The following NTN4 variants were observed in gnomAD, a reference collection of about 807,000 sequenced individuals.
NTN4 encodes the protein netrin 4, also known as netrin-4.
Under a neutral mutation model 73.6 loss-of-function variants are expected in NTN4, and 32 were observed. That is an observed-to-expected ratio of 0.44 (90% CI 0.33 to 0.58). NTN4 has a LOEUF of 0.58. Ranked by LOEUF, NTN4 falls within the 20% of genes least tolerant of loss-of-function variation. The pLI, the probability that NTN4 is intolerant of heterozygous loss-of-function variation, is 0.04. For missense variants in NTN4, 654 were observed against 798.3 expected (o/e 0.82, Z 2.18); for synonymous variants, 258 against 287.5 (o/e 0.90, Z 1.04).
intron 5 of NTN4, among the ~76,000 whole-genome samples, chr12:95,697,690 T>C (rs559497689): frequency 6.6e-5 from 10 of 152,034 alleles, no homozygotes; most frequent in Admixed American, 2.0e-4. Context: ...TTAAAATATA[T>C]ATTTTATTAT....
chr12:95,715,775 T>C (rs147418142), intron 3 of NTN4, among the ~76,000 whole-genome samples: 21 of 152,278 alleles, frequency 1.4e-4, no homozygotes, highest in African/African-American at 4.6e-4. Flanking sequence ...ATTACTTTTA[T>C]TGAACATTTT....
In NTN4 at chr12:95,670,162, T is replaced by TA; in HGVS notation, c.1511-17dup. 1 of 1,497,128 alleles carries TA rather than the reference T, an allele frequency of 6.7e-7. No homozygotes were observed. The highest frequency in any genetic ancestry group is 9.2e-7 in the Non-Finnish European group (1 of 1,091,492). The allele number at this position is 1,497,128 out of a possible 1,614,324, so 92.7% of individuals were successfully genotyped here. ...TCGCATTTACCTATGGAAAGTAAAT[T>TA]AAAAATGGTGTTAGTTATTAGAAAA... is the stretch of plus-strand genomic sequence containing the variant. On this transcript the variant is annotated splice_polypyrimidine_tract_variant and intron_variant, in intron 7 of 9. Transcript: ENST00000343702.
At chr12:95,716,080 C>CAA (rs34692653) in intron 3 of NTN4, among the ~76,000 whole-genome samples, 8,360 of 138,508 alleles carry the variant, frequency 0.06, 762 homozygotes, top group African/African-American at 0.21. Context: ...TCCTACATGT[C>CAA]AAAAAAAAAA....
intron 5 of NTN4, among the ~76,000 whole-genome samples, chr12:95,702,061 C>T (rs915077409): frequency 1.3e-5 from 2 of 152,078 alleles, no homozygotes; most frequent in Non-Finnish European, 2.9e-5. Context: ...AGGTGAATCA[C>T]TTGAGGTCAG....
intron 3 of NTN4, among the ~76,000 whole-genome samples, chr12:95,718,810 T>C (rs2078626200): frequency 2.6e-5 from 4 of 152,198 alleles, no homozygotes; most frequent in African/African-American, 9.7e-5. Flanking sequence ...TCCTTTTTTA[T>C]TTCTCTCCTT....
chr12:95,675,991 G>T (rs2078270530), intron 7 of NTN4, among the ~76,000 whole-genome samples: 1 of 152,232 alleles, frequency 6.6e-6, no homozygotes, highest in African/African-American at 2.4e-5. Context: ...TGCAAATTAT[G>T]TAGCTAGTCC....
chr12:95,751,473 G>A (rs555665873), intron 2 of NTN4, among the ~76,000 whole-genome samples: 2 of 152,130 alleles, frequency 1.3e-5, no homozygotes, highest in Non-Finnish European at 2.9e-5. Context: ...TCTGGCCACT[G>A]GGCCAAGGAA....
Position 95,710,458 on chromosome 12 carries a change from G to C in NTN4, c.1163C>G (p.Ala388Gly), listed in dbSNP as rs1565892341. Residue 388 changes from alanine (A) to glycine (G), a missense_variant, in exon 5 of 10, where the codon GCT becomes GGT. Transcript: ENST00000343702. ...FYRDLRRPFS[A>G]PDACKPCSCH... is the part of the protein sequence containing the mutation. ...TTACTTACGTTTGCAAGCATCTGGA[G>C]CTGAGAAGGGTCTCCGCAGGTCACG... is the stretch of plus-strand genomic sequence containing the variant. 3.1e-6 allele frequency: 5 copies of C among 1,613,384 alleles called. No homozygotes were observed. Among genetic ancestry groups the C allele is most frequent in the Non-Finnish European group, 4.2e-6 (5 of 1,179,614 alleles).
At chr12:95,786,606 A>C (rs1481967744) in intron 2 of NTN4, among the ~76,000 whole-genome samples, 1 of 152,172 alleles carries the variant, frequency 6.6e-6, no homozygotes, top group Non-Finnish European at 1.5e-5. Flanking sequence ...AGACTGTCTC[A>C]GTAACTCTTC....
In NTN4 at chr12:95,710,422, G is replaced by C. The variant is rs367820044; in HGVS notation, c.1180+19C>G. 5 of 1,594,300 alleles carry C rather than the reference G, an allele frequency of 3.1e-6. No homozygotes were observed. Among genetic ancestry groups the C allele is most frequent in the East Asian group, 4.5e-5 (2 of 44,434 alleles). On this transcript the variant is annotated intron_variant, in intron 5 of 9. Transcript: ENST00000343702. ...CTTGTACAAATCAGCCTATTTTCTG[G>C]AAACCACAGGTTACTTACGTTTGCA...
intron 5 of NTN4, among the ~76,000 whole-genome samples, chr12:95,693,306 A>G (rs35673143): frequency 3.2e-4 from 49 of 152,064 alleles, no homozygotes; most frequent in Non-Finnish European, 6.2e-4. Context: ...AAAGGAAACT[A>G]ATGATTGAAC....
chr12:95,764,233 G>A (rs1463239537), intron 2 of NTN4, among the ~76,000 whole-genome samples: 2 of 152,292 alleles, frequency 1.3e-5, no homozygotes, highest in East Asian at 3.9e-4. Flanking sequence ...ACTGGAAACT[G>A]AGCAGGAGAT....
chr12:95,764,381 C>G (rs182901806), intron 2 of NTN4, among the ~76,000 whole-genome samples: 23 of 152,238 alleles, frequency 1.5e-4, no homozygotes, highest in African/African-American at 5.5e-4. Context: ...AGAAGGAGAG[C>G]TGGCCGGGCA....
At chr12:95,696,614 G>A (rs1290338960) in intron 5 of NTN4, among the ~76,000 whole-genome samples, 3 of 151,994 alleles carry the variant, frequency 2.0e-5, no homozygotes, top group African/African-American at 7.3e-5. Context: ...ATCTTAATAA[G>A]CAACAATCAT....
chr12:95,777,879 C>T (rs1333704128), intron 2 of NTN4, among the ~76,000 whole-genome samples: 2 of 150,834 alleles, frequency 1.3e-5, no homozygotes, highest in Non-Finnish European at 2.9e-5. Context: ...CTCAGCACCA[C>T]ATCGCACTTA....
chr12:95,781,040 A>G lies in NTN4; in HGVS notation c.585+5899T>C, dbSNP rs1340519424. On this transcript the variant is annotated intron_variant, in intron 2 of 9. Coordinates refer to ENST00000343702, the MANE Select transcript of NTN4 (RefSeq NM_021229.4). This position sits in a 1 kb window ranked among gnomAD's most constrained non-coding sequence, Gnocchi z 4.1. ...TGGAAACCATCATTCTCAGCAAACT[A>G]TTGCAAGGACAAAAAAACAAACACT... 9.9e-6 allele frequency among the ~76,000 whole-genome samples: 1 copy of G among 100,576 alleles called. No homozygotes were observed. Among genetic ancestry groups the G allele is most frequent in the Non-Finnish European group, 2.4e-5 (1 of 42,280 alleles). The allele number at this position is 100,576 out of a possible 152,430, so 66.0% of individuals were successfully genotyped here.
At chr12:95,693,568 T>A (rs2078417948) in intron 5 of NTN4, among the ~76,000 whole-genome samples, 2 of 151,466 alleles carry the variant, frequency 1.3e-5, no homozygotes, top group African/African-American at 4.8e-5. Context: ...CCGTCTCTAC[T>A]AAAAATACAA....
chr12:95,658,975 CTA>C lies in NTN4; in HGVS notation c.*109_*110del. 1 of 929,430 alleles carries C rather than the reference CTA, an allele frequency of 1.1e-6. No individual in the cohort carries two copies. Among genetic ancestry groups the C allele is most frequent in the Non-Finnish European group, 1.6e-6 (1 of 618,912 alleles). The allele number at this position is 929,430 out of a possible 1,614,324, so 57.6% of individuals were successfully genotyped here. On this transcript the variant is annotated 3_prime_UTR_variant, in exon 10 of 10. Transcript: ENST00000343702. ...ATAAGACCCATGCATTCAAACATTT[CTA>C]TATGTTTTGGCACTTTAAAAAATTC... is the stretch of plus-strand genomic sequence containing the variant.
intron 2 of NTN4, among the ~76,000 whole-genome samples, chr12:95,759,149 G>A (rs1018113848): frequency 7.2e-5 from 11 of 152,078 alleles, no homozygotes; most frequent in African/African-American, 2.4e-4. Flanking sequence ...AATCAGCGTG[G>A]TAACTTTGTT....
Sources: gnomAD v4.1 joint callset for allele counts (sites outside exome capture counted in the v4.1 genomes callset) on GRCh38, gnomAD v4.1.1 for gene constraint, Gnocchi (gnomAD v3.1) non-coding constraint, MANE v1.5 for transcripts, NCBI Gene and HGNC (gene_info 2026-07-23, HGNC 2026-07-21) for gene names.